KIF14: variants seen among roughly 807,000 people sequenced by gnomAD.
KIF14 encodes the protein kinesin family member 14.
KIF14 carries 98 observed loss-of-function variants against 176.2 expected under a neutral mutation model. That is an observed-to-expected ratio of 0.56 (90% CI 0.47 to 0.66). The LOEUF is 0.66. KIF14 is among the 30% of genes least tolerant of loss of function. The probability of loss-of-function intolerance (pLI) is 0.00; values close to 1 mark genes in which losing one functional copy is unlikely to be tolerated. For missense variants in KIF14, 1,751 were observed against 1,920.4 expected (o/e 0.91, Z 1.65); for synonymous variants, 566 against 632.2 (o/e 0.90, Z 1.57).
At chr1:200,592,275 A>G (rs374334433) in intron 15 of KIF14, 35 bp from the exon 16 acceptor site, 9 of 1,552,816 alleles carry the variant, frequency 5.8e-6, no homozygotes, top group African/African-American at 5.6e-5. Context: ...ACTTGAGGTG[A>G]GTCTCAACCA....
chr1:200,560,878 T>C lies in KIF14; in HGVS notation c.4074A>G (p.Gly1358=), dbSNP rs756068020. 4 of 1,612,880 alleles carry C rather than the reference T, an allele frequency of 2.5e-6. No homozygotes were observed. The South Asian group carries it at 3.3e-5, about 13-fold the overall frequency. ...LGGYLQLFLQ[G]CCLDISSMIK... The stretch of plus-strand genomic sequence containing the variant: ...TCATTGATGAAATATCCAAACAGCA[T>C]CCCTGTAAGATAAAAATGGACAAGT... The change falls in exon 26 of 30, where the codon GGA becomes GGG. Residue 1358 remains glycine, a splice_region_variant and synonymous_variant. Coordinates refer to ENST00000367350, the MANE Select transcript of KIF14 (RefSeq NM_014875.3).
intron 15 of KIF14, among the ~76,000 whole-genome samples, chr1:200,592,723 G>A (rs1221864744): frequency 2.0e-5 from 3 of 152,176 alleles, no homozygotes; most frequent in Admixed American, 1.3e-4. Context: ...TATGTTCTGA[G>A]AAGTACACTG....
intron 8 of KIF14, 72 bp downstream of exon 8, chr1:200,605,211 A>G (rs1020934892): frequency 9.8e-6 from 14 of 1,428,974 alleles, no homozygotes; most frequent in African/African-American, 1.5e-5. Context: ...GGAACTTTTT[A>G]AAAAAATACC....
intron 21 of KIF14, among the ~76,000 whole-genome samples, chr1:200,576,477 C>CAAAAAAA (rs34294441): frequency 1.6e-4 from 14 of 87,490 alleles, no homozygotes; most frequent in Admixed American, 2.6e-4. Flanking sequence ...GACTCCGTCT[C>CAAAAAAA]AAAAAAAAAA....
chr1:200,566,981 C>T (rs907779657), intron 23 of KIF14, among the ~76,000 whole-genome samples: 4 of 151,084 alleles, frequency 2.6e-5, no homozygotes, highest in African/African-American at 9.7e-5. Context: ...TCAAGACCAG[C>T]CTGGCCAACA....
chr1:200,595,587 TAAAGA>T (rs1659287720), intron 14 of KIF14, among the ~76,000 whole-genome samples: 1 of 152,100 alleles, frequency 6.6e-6, no homozygotes, highest in Non-Finnish European at 1.5e-5. Flanking sequence ...ATTTATTTGT[TAAAGA>T]AAATAATTAA....
rs1459480829 is a variant in KIF14 at position 200,608,921 on chromosome 1, T to C, written c.1463A>G (p.Tyr488Cys). Residue 488 changes from tyrosine to cysteine, a missense_variant, in exon 5 of 30, where the codon TAT becomes TGT. By Grantham distance (194) the Tyr-to-Cys change is radical. Transcript: ENST00000367350. The stretch of plus-strand genomic sequence containing the variant: ...TTCAAAGAAGCTCATTTCAATGTGA[T>C]AGCTGACCTAGTAGGAATAGAAACA... ...VARKQTQEVS[Y>C]HIEMSFFEVY... 1.3e-6 allele frequency: 2 copies of C among 1,568,780 alleles called. No homozygotes were observed. The highest frequency in any genetic ancestry group is 1.7e-5 in the Admixed American group (1 of 59,846).
chr1:200,556,719 T>C (rs539809479), intron 27 of KIF14, among the ~76,000 whole-genome samples: 1 of 152,374 alleles, frequency 6.6e-6, no homozygotes, highest in East Asian at 1.9e-4. Flanking sequence ...TCTGCACTTA[T>C]TGCCAGCAGA....
At chr1:200,604,951 T>C (rs1659799862) in intron 8 of KIF14, among the ~76,000 whole-genome samples, 1 of 152,124 alleles carries the variant, frequency 6.6e-6, no homozygotes, top group Non-Finnish European at 1.5e-5. Context: ...CAAGCATCTA[T>C]TATTGATTTA....
chr1:200,610,983 A>T (rs1660129991), intron 4 of KIF14, among the ~76,000 whole-genome samples: 1 of 152,174 alleles, frequency 6.6e-6, no homozygotes, highest in African/African-American at 2.4e-5. Context: ...ATCTGGTAAG[A>T]TGGAACCTTA....
At position 200,551,655 on chromosome 1, in the gene KIF14, TAA is replaced by T. The variant is rs1656539900; in HGVS notation, c.*1731_*1732del. The T allele has an allele frequency of 6.6e-6, 1 of 152,166 alleles. No homozygotes were observed. The highest frequency in any genetic ancestry group is 6.5e-5 in the Admixed American group (1 of 15,268). The allele number at this position is 152,166 out of a possible 1,614,324, so 9.4% of individuals were successfully genotyped here. On this transcript the variant is annotated 3_prime_UTR_variant, in exon 30 of 30. Transcript: ENST00000367350. ...TGTATACAAAATTTTATAAAGACAC[TAA>T]AAAGTTTCTGACCAATTAAGTCATG...
chr1:200,556,316 A>C (rs1204087537), intron 27 of KIF14, among the ~76,000 whole-genome samples: 1 of 152,214 alleles, frequency 6.6e-6, no homozygotes, highest in Non-Finnish European at 1.5e-5. Context: ...TTAAAAAAAA[A>C]CAAAATTCCA....
At chr1:200,613,672 AG>A (rs1235477897) in intron 4 of KIF14, among the ~76,000 whole-genome samples, 1 of 152,202 alleles carries the variant, frequency 6.6e-6, no homozygotes, top group Non-Finnish European at 1.5e-5. Flanking sequence ...AACCCCCAGA[AG>A]AGATTTTTAG....
chr1:200,579,681 A>G (rs1658338785), intron 21 of KIF14, among the ~76,000 whole-genome samples: 1 of 152,128 alleles, frequency 6.6e-6, no homozygotes, highest in South Asian at 2.1e-4. Flanking sequence ...ATTTCTGGCA[A>G]GCAATTTGTC....
rs113846989 is a variant in KIF14 at position 200,552,915 on chromosome 1, T to TTTTATTTATTTATTTA, written c.*457_*472dup. 1 of 134,158 alleles carries TTTTATTTATTTATTTA rather than the reference T, an allele frequency of 7.5e-6. No individual in the cohort carries two copies. Among genetic ancestry groups the TTTTATTTATTTATTTA allele is most frequent in the Non-Finnish European group, 1.5e-5 (1 of 65,490 alleles). 8.3% of individuals were successfully genotyped at this position (134,158 alleles called of 1,614,324 possible). ...TAAACACTTTAAAGATAAAAATATA[T>TTTTATTTATTTATTTA]TTTATTTATTTATTTATTTATTTAT... On this transcript the variant is annotated 3_prime_UTR_variant, in exon 30 of 30. Transcript: ENST00000367350.
At chr1:200,612,580 A>G (rs1269554490) in intron 4 of KIF14, among the ~76,000 whole-genome samples, 1 of 152,112 alleles carries the variant, frequency 6.6e-6, no homozygotes, top group Non-Finnish European at 1.5e-5. Context: ...CCATATTTCT[A>G]TTGATCCCCA....
chr1:200,600,415 T>G lies in KIF14; in HGVS notation c.2241A>C (p.Glu747Asp). The change falls in exon 12 of 30, where the codon GAA becomes GAC. Residue 747 changes from glutamate (E) to aspartate (D), a missense_variant. Coordinates refer to ENST00000367350, the MANE Select transcript of KIF14 (RefSeq NM_014875.3). Reference protein sequence around the residue: ...DPERYRLCRQEITSLRMKLHQ... With the variant: ...DPERYRLCRQDITSLRMKLHQ... ...GCAGTTTCATTCTTAAGGATGTTAT[T>G]TCTTGCCGACAGAGCCTGTATCGTT... 6.2e-7 allele frequency: 1 copy of G among 1,613,972 alleles called. No individual in the cohort carries two copies. Among genetic ancestry groups the G allele is most frequent in the Admixed American group, 1.7e-5 (1 of 60,018 alleles).
rs182888687 is a variant in KIF14, at chr1:200,611,945, T to C, written c.1455+2373A>G. Reference sequence around the variant, plus strand: ...AAATTGTTCAAGATCACATTTCTACTGCAGTGATGAAGCTGAGATTCAAAT... The same window carrying C: ...AAATTGTTCAAGATCACATTTCTACCGCAGTGATGAAGCTGAGATTCAAAT... On this transcript the variant is annotated intron_variant, in intron 4 of 29. Coordinates refer to ENST00000367350, the MANE Select transcript of KIF14 (RefSeq NM_014875.3). Among the ~76,000 whole-genome samples the C allele has an allele frequency of 4.5e-3, 683 of 152,318 alleles. 6 individuals are homozygous for C. The highest frequency in any genetic ancestry group is 0.015 in the African/African-American group (631 of 41,564).
chr1:200,573,423 A>ATTTTT (rs1657921825), intron 22 of KIF14, among the ~76,000 whole-genome samples: 7 of 84,420 alleles, frequency 8.3e-5, no homozygotes, highest in African/African-American at 1.2e-4. Context: ...CAAGGAGCTC[A>ATTTTT]TTTCTTTTTT....
Sources: gnomAD v4.1 joint callset for allele counts (sites outside exome capture counted in the v4.1 genomes callset) on GRCh38, gnomAD v4.1.1 for gene constraint, MANE v1.5 for transcripts, NCBI Gene and HGNC (gene_info 2026-07-23, HGNC 2026-07-21) for gene names.